COLEC12: variants seen among roughly 807,000 people sequenced by gnomAD.
COLEC12 encodes the protein collectin subfamily member 12, also known as collectin-12.
COLEC12 carries 33 observed loss-of-function variants against 71.1 expected under a neutral mutation model. The observed-to-expected ratio is 0.46, with a 90% confidence interval of 0.35 to 0.62. COLEC12 has a LOEUF of 0.62. COLEC12 is among the 20% of genes least tolerant of loss of function. The probability of loss-of-function intolerance (pLI) is 0.00; values close to 1 mark genes in which losing one functional copy is unlikely to be tolerated. For missense variants in COLEC12, 765 were observed against 916.1 expected (o/e 0.84, Z 2.13); for synonymous variants, 350 against 353.0 (o/e 0.99, Z 0.10).
At chr18:436,020 T>C (rs1303967968) in intron 2 of COLEC12, among the ~76,000 whole-genome samples, 1 of 152,224 alleles carries the variant, frequency 6.6e-6, no homozygotes, top group East Asian at 1.9e-4. Context: ...AGTCAGAATC[T>C]GTGACTAATG....
chr18:496,567 A>G (rs1917717083), intron 1 of COLEC12, among the ~76,000 whole-genome samples: 2 of 152,228 alleles, frequency 1.3e-5, no homozygotes, highest in Non-Finnish European at 2.9e-5. Flanking sequence ...CCCAGTTAAG[A>G]ACAAGAAATC....
intron 2 of COLEC12, among the ~76,000 whole-genome samples, chr18:445,799 ATTT>A (rs1916636479): frequency 6.6e-6 from 1 of 151,808 alleles, no homozygotes; most frequent in Non-Finnish European, 1.5e-5. Context: ...CACCCGGCTA[ATTT>A]TTTATTTTTT....
chr18:441,864 G>A (rs754270652), intron 2 of COLEC12, among the ~76,000 whole-genome samples: 4 of 151,914 alleles, frequency 2.6e-5, no homozygotes, highest in Non-Finnish European at 5.9e-5. Context: ...GCCAGGTGTG[G>A]TGGCACTTGC....
intron 2 of COLEC12, among the ~76,000 whole-genome samples, chr18:412,769 C>T (rs1409488306): frequency 6.6e-6 from 1 of 152,122 alleles, no homozygotes; most frequent in East Asian, 1.9e-4. Flanking sequence ...GTTATGTAGA[C>T]ACATAATCCA....
intron 2 of COLEC12, among the ~76,000 whole-genome samples, chr18:426,817 G>C (rs1271773166): frequency 6.6e-6 from 1 of 152,176 alleles, no homozygotes; most frequent in Non-Finnish European, 1.5e-5. Flanking sequence ...CCATTTTAGA[G>C]ATGAAAAGAC....
At chr18:353,680 C>T (rs1478635270) in intron 3 of COLEC12, among the ~76,000 whole-genome samples, 1 of 152,216 alleles carries the variant, frequency 6.6e-6, no homozygotes, top group East Asian at 1.9e-4. Flanking sequence ...CACAGAGCTC[C>T]TAGCTGGTGC....
chr18:448,410 G>A (rs773964831), intron 2 of COLEC12, among the ~76,000 whole-genome samples: 6 of 152,198 alleles, frequency 3.9e-5, no homozygotes, highest in Non-Finnish European at 8.8e-5. Context: ...GTGTAAACAT[G>A]TTGACTTCCT....
intron 2 of COLEC12, among the ~76,000 whole-genome samples, chr18:467,055 G>A (rs1432583323): frequency 6.6e-6 from 1 of 152,122 alleles, no homozygotes; most frequent in African/African-American, 2.4e-5. Context: ...ACCCTTTCTA[G>A]GTGTTTGCAA....
chr18:464,670 C>T (rs902676188), intron 2 of COLEC12, among the ~76,000 whole-genome samples: 5 of 152,106 alleles, frequency 3.3e-5, no homozygotes, highest in African/African-American at 7.2e-5. Context: ...TTTTTCTCCC[C>T]GGCTAGACTG....
Position 493,890 on chromosome 18 carries a change from T to C in COLEC12, c.7+6618A>G, listed in dbSNP as rs184584172. Among the ~76,000 whole-genome samples, 26 of 152,358 alleles carry C rather than the reference T, an allele frequency of 1.7e-4. No individual in the cohort carries two copies. The Middle Eastern group carries it at 0.01, about 60-fold the overall frequency. ...CAAACTTGTTTAATGTTGTGATTCC[T>C]TGATGTCATATCCTTACTGGATAAA... On this transcript the variant is annotated intron_variant, in intron 1 of 9. Coordinates refer to ENST00000400256, the MANE Select transcript of COLEC12 (RefSeq NM_130386.3).
chr18:394,466 T>C (rs974396673), intron 2 of COLEC12, among the ~76,000 whole-genome samples: 1 of 152,246 alleles, frequency 6.6e-6, no homozygotes, highest in Non-Finnish European at 1.5e-5. Flanking sequence ...GGTGATGTAA[T>C]ACCACATGAA....
At chr18:367,060 T>C (rs1276182325) in intron 2 of COLEC12, among the ~76,000 whole-genome samples, 1 of 152,186 alleles carries the variant, frequency 6.6e-6, no homozygotes, top group Non-Finnish European at 1.5e-5. Context: ...CCCTACAGCA[T>C]TTCTCCATTT....
Position 408,640 on chromosome 18 carries a change from C to T in COLEC12, c.59-51118G>A, listed in dbSNP as rs1473471096. 6.6e-6 allele frequency among the ~76,000 whole-genome samples: 1 copy of T among 150,900 alleles called. No individual in the cohort carries two copies. The highest frequency in any genetic ancestry group is 1.5e-5 in the Non-Finnish European group (1 of 67,786). Reference sequence around the variant, plus strand: ...AAAAAAAAAGACAGGAAAATAAAAGCATGGGAGGAAAAAGATTTAAGGTTA... The same window carrying T: ...AAAAAAAAAGACAGGAAAATAAAAGTATGGGAGGAAAAAGATTTAAGGTTA... On this transcript the variant is annotated intron_variant, in intron 2 of 9. Transcript: ENST00000400256. This position sits in a 1 kb window ranked among gnomAD's most constrained non-coding sequence, Gnocchi z 4.3.
chr18:378,474 G>A (rs1376924791), intron 2 of COLEC12, among the ~76,000 whole-genome samples: 6 of 152,290 alleles, frequency 3.9e-5, no homozygotes, highest in South Asian at 2.1e-4. Context: ...TGAAACGTCC[G>A]ATGCAATTGG....
chr18:465,545 A>G (rs1439896915), intron 2 of COLEC12, among the ~76,000 whole-genome samples: 1 of 152,238 alleles, frequency 6.6e-6, no homozygotes, highest in Non-Finnish European at 1.5e-5. Flanking sequence ...ATCTCTTAAA[A>G]ATAATTCACT....
intron 2 of COLEC12, among the ~76,000 whole-genome samples, chr18:383,541 T>C (rs190327478): frequency 2.6e-5 from 4 of 152,276 alleles, no homozygotes; most frequent in East Asian, 1.9e-4. Flanking sequence ...ATTGGTTTTG[T>C]ATAAACGTAA....
intron 2 of COLEC12, among the ~76,000 whole-genome samples, chr18:383,482 T>C (rs1915277792): frequency 6.6e-6 from 1 of 152,126 alleles, no homozygotes; most frequent in Non-Finnish European, 1.5e-5. Context: ...AGAAACATGA[T>C]AAAAGATGAG....
intron 2 of COLEC12, among the ~76,000 whole-genome samples, chr18:463,826 C>T (rs1917033404): frequency 6.6e-6 from 1 of 152,142 alleles, no homozygotes; most frequent in South Asian, 2.1e-4. Context: ...CACATAAAAC[C>T]ATGTAGTAAA....
chr18:431,437 G>T (rs569226136), intron 2 of COLEC12, among the ~76,000 whole-genome samples: 2 of 152,192 alleles, frequency 1.3e-5, no homozygotes, highest in Admixed American at 6.5e-5. Context: ...CTTGAAGCAC[G>T]TTGGCAGATG....
Sources: gnomAD v4.1 joint callset for allele counts (sites outside exome capture counted in the v4.1 genomes callset) on GRCh38, gnomAD v4.1.1 for gene constraint, Gnocchi (gnomAD v3.1) non-coding constraint, MANE v1.5 for transcripts, NCBI Gene and HGNC (gene_info 2026-07-23, HGNC 2026-07-21) for gene names.